The following TFDP2 variants were observed in gnomAD, a reference collection of about 807,000 sequenced individuals.
The protein encoded by TFDP2 is transcription factor Dp-2.
Under a neutral mutation model 59.3 loss-of-function variants are expected in TFDP2, and 17 were observed. The ratio of observed to expected loss-of-function variants is 0.29; its 90% CI spans 0.20 to 0.43. The LOEUF is 0.43. TFDP2 is among the 20% of genes least tolerant of loss of function. TFDP2 has a pLI of 1.00. For synonymous variants in TFDP2, 180 were observed against 194.7 expected, an observed-to-expected ratio of 0.92 and a Z score of 0.63; for missense variants, 391 against 528.8, an observed-to-expected ratio of 0.74 and a Z score of 2.56.
chr3:142,065,408 G>A (rs1439049817), intron 3 of TFDP2, among the ~76,000 whole-genome samples: 2 of 152,034 alleles, frequency 1.3e-5, no homozygotes, highest in South Asian at 2.1e-4. Context: ...TACCCTCCTC[G>A]GCCTCCCAAA....
intron 3 of TFDP2, among the ~76,000 whole-genome samples, chr3:142,008,413 C>T (rs774756531): frequency 3.3e-5 from 5 of 152,082 alleles, no homozygotes; most frequent in East Asian, 1.9e-4. Flanking sequence ...CACAAAAGCT[C>T]GCAGTGGAGA....
rs11290927 is a variant in TFDP2 at position 142,121,850 on chromosome 3, TA to T, written c.-92-20010del. Among the ~76,000 whole-genome samples the T allele has an allele frequency of 0.87, 129,970 of 148,594 alleles. 56,854 individuals carry two copies. The highest frequency in any genetic ancestry group is 0.94 in the African/African-American group (38,040 of 40,576). ...CCTGTCTCTACTAAAAATACGAAGT[TA>T]AAAAAAAAAAAACTTCATTGTAGAC... On this transcript the variant is annotated intron_variant, in intron 1 of 12. Coordinates refer to ENST00000489671, the MANE Select transcript of TFDP2 (RefSeq NM_001178139.2). This position sits in a 1 kb window ranked among gnomAD's most constrained non-coding sequence, Gnocchi z 4.3.
chr3:142,006,066 GA>G lies in TFDP2; in HGVS notation c.83-523del, dbSNP rs538781338. The stretch of plus-strand genomic sequence containing the variant: ...AATGCTTTAGGGTTTTATAACTAGA[GA>G]AAAAACATGGTGCTAACTAGTTATT... On this transcript the variant is annotated intron_variant, in intron 3 of 12. Coordinates refer to ENST00000489671, the MANE Select transcript of TFDP2 (RefSeq NM_001178139.2). Among the ~76,000 whole-genome samples, 151 of 152,224 alleles carry G rather than the reference GA, an allele frequency of 9.9e-4. 1 individual carries two copies. The highest frequency in any genetic ancestry group is 3.5e-3 in the African/African-American group (147 of 41,550).
chr3:142,146,182 G>C (rs963494671), intron 1 of TFDP2, among the ~76,000 whole-genome samples: 5 of 151,948 alleles, frequency 3.3e-5, no homozygotes, highest in African/African-American at 1.2e-4. Context: ...CAACAGACTA[G>C]AAGCAATCTT....
intron 3 of TFDP2, among the ~76,000 whole-genome samples, chr3:142,059,568 C>T (rs572668688): frequency 1.3e-5 from 2 of 151,674 alleles, no homozygotes; most frequent in South Asian, 2.1e-4. Context: ...ATAGTGTCAC[C>T]GTTCTCTCCA....
chr3:141,949,807 A>ATTTT lies in TFDP2; in HGVS notation c.*2702_*2705dup, dbSNP rs759658026. 598 of 97,974 alleles carry ATTTT rather than the reference A, an allele frequency of 6.1e-3. 49 individuals are homozygous for ATTTT. The highest frequency in any genetic ancestry group is 0.024 in the African/African-American group (545 of 22,910). The allele number at this position is 97,974 out of a possible 1,614,324, so 6.1% of individuals were successfully genotyped here. A position where few individuals can be genotyped will look rare whatever the true frequency, so the allele number is the denominator to read the frequency against. ...CCTGGGCATTGTGACCACAACTTCCATTTTTTTTTTTTTTTTTTTTGAGAC... is the reference window on the plus strand; with the variant it reads ...CCTGGGCATTGTGACCACAACTTCCATTTTTTTTTTTTTTTTTTTTTTTTGAGAC... On this transcript the variant is annotated 3_prime_UTR_variant, in exon 13 of 13. Coordinates refer to ENST00000489671, the MANE Select transcript of TFDP2 (RefSeq NM_001178139.2).
chr3:142,129,129 A>G (rs143914964), intron 1 of TFDP2, among the ~76,000 whole-genome samples: 42 of 152,210 alleles, frequency 2.8e-4, no homozygotes, highest in African/African-American at 7.5e-4. Context: ...GTCTGCATGA[A>G]GCGCAGAGCT....
chr3:141,973,123 A>ATATATATATATATATATTTT, intron 8 of TFDP2, among the ~76,000 whole-genome samples: 2 of 58,026 alleles, frequency 3.4e-5, no homozygotes, highest in Admixed American at 1.8e-4. Flanking sequence ...ATATATATAT[A>ATATATATATATATATATTTT]TTTTTTTTTT....
At chr3:142,148,235 T>C (rs775476207) in intron 1 of TFDP2, among the ~76,000 whole-genome samples, 6 of 150,844 alleles carry the variant, frequency 4.0e-5, no homozygotes, top group Non-Finnish European at 5.9e-5. Context: ...AGAAAGCAAA[T>C]AAGTGAGAGG....
At chr3:141,997,975 C>CT (rs1186652941) in intron 4 of TFDP2, among the ~76,000 whole-genome samples, 2 of 151,114 alleles carry the variant, frequency 1.3e-5, no homozygotes, top group African/African-American at 4.9e-5. Flanking sequence ...TTTACATTTT[C>CT]TTTTTTTCCC....
chr3:141,954,006 C>T (rs894623119), intron 11 of TFDP2, among the ~76,000 whole-genome samples: 1 of 151,532 alleles, frequency 6.6e-6, no homozygotes, highest in African/African-American at 2.4e-5. Flanking sequence ...ATTAAAAATA[C>T]AAAATTAGCT....
chr3:142,082,887 T>C (rs193054439), intron 3 of TFDP2, among the ~76,000 whole-genome samples: 221 of 152,248 alleles, frequency 1.5e-3, no homozygotes, highest in Admixed American at 5.3e-3. Flanking sequence ...ATAAAAGGCA[T>C]ACATGACAGA....
chr3:142,014,246 T>G (rs1445891362), intron 3 of TFDP2, among the ~76,000 whole-genome samples: 1 of 152,170 alleles, frequency 6.6e-6, no homozygotes, highest in Non-Finnish European at 1.5e-5. Context: ...TGGCTCAAGT[T>G]ATCCTCCTGC....
chr3:142,031,616 T>C (rs1358677859), intron 3 of TFDP2, among the ~76,000 whole-genome samples: 2 of 152,194 alleles, frequency 1.3e-5, no homozygotes, highest in East Asian at 1.9e-4. Context: ...TCAAACAATT[T>C]CTCCTTAATC....
chr3:142,006,042 A>G (rs1387677114), intron 3 of TFDP2, among the ~76,000 whole-genome samples: 1 of 152,220 alleles, frequency 6.6e-6, no homozygotes, highest in Non-Finnish European at 1.5e-5. Flanking sequence ...CAAATTGGTA[A>G]TGCTTTAGGG....
chr3:142,017,156 T>C (rs1027312185), intron 3 of TFDP2, among the ~76,000 whole-genome samples: 2 of 152,234 alleles, frequency 1.3e-5, no homozygotes, highest in Non-Finnish European at 2.9e-5. Flanking sequence ...TACTATACTT[T>C]ATTTTTCCAC....
intron 3 of TFDP2, among the ~76,000 whole-genome samples, chr3:142,074,705 A>T (rs1298566416): frequency 6.6e-6 from 1 of 152,064 alleles, no homozygotes; most frequent in Non-Finnish European, 1.5e-5. Flanking sequence ...TACAAAAATT[A>T]GCCAGGCATG....
intron 3 of TFDP2, among the ~76,000 whole-genome samples, chr3:142,071,248 C>G (rs1003223930): frequency 1.3e-5 from 2 of 152,032 alleles, no homozygotes; most frequent in African/African-American, 4.8e-5. Flanking sequence ...GCTCTGCCTC[C>G]TGGGTTCAAG....
At chr3:141,984,938 T>G (rs1576578772) in intron 6 of TFDP2, among the ~76,000 whole-genome samples, 1 of 152,192 alleles carries the variant, frequency 6.6e-6, no homozygotes, top group African/African-American at 2.4e-5. Flanking sequence ...TTCTTTTTTT[T>G]TACATTGCTC....
Sources: gnomAD v4.1 joint callset for allele counts (sites outside exome capture counted in the v4.1 genomes callset) on GRCh38, gnomAD v4.1.1 for gene constraint, Gnocchi (gnomAD v3.1) non-coding constraint, MANE v1.5 for transcripts, NCBI Gene and HGNC (gene_info 2026-07-23, HGNC 2026-07-21) for gene names.